The following SYNE2 variants were observed in gnomAD, a reference collection of about 807,000 sequenced individuals.
SYNE2 encodes the protein nesprin-2.
SYNE2 carries 431 observed loss-of-function variants against 856.3 expected under a neutral mutation model. The ratio of observed to expected loss-of-function variants is 0.50; its 90% CI spans 0.47 to 0.55. SYNE2 has a LOEUF of 0.55. Among genes scored for constraint, SYNE2 ranks in the 20% least tolerant of loss-of-function variants. The probability of loss-of-function intolerance (pLI) is 0.00; values close to 1 mark genes in which losing one functional copy is unlikely to be tolerated. For synonymous variants in SYNE2, 2,923 were observed against 2,872.3 expected (o/e 1.02, Z -0.56); for missense variants, 8,129 against 8,023.2 (o/e 1.01, Z -0.50).
chr14:64,137,702 T>C, intron 78 of SYNE2, 85 bp from the exon 79 acceptor site: 1 of 1,387,830 alleles, frequency 7.2e-7, no homozygotes, highest in Non-Finnish European at 1.0e-6. Context: ...TGGACACAAA[T>C]GTCAGTTTTA....
chr14:63,883,443 G>C (rs1453105243), intron 1 of SYNE2, among the ~76,000 whole-genome samples: 1 of 152,118 alleles, frequency 6.6e-6, no homozygotes, highest in East Asian at 1.9e-4. Context: ...CTGCAGCCTT[G>C]ATCACCAGGC....
At chr14:63,778,773 C>T (rs536361481) in intron 1 of SYNE2, among the ~76,000 whole-genome samples, 3 of 152,076 alleles carry the variant, frequency 2.0e-5, no homozygotes, top group Non-Finnish European at 2.9e-5. Flanking sequence ...CACTGGCCTC[C>T]CAAAGTGCCA....
At chr14:63,974,835 C>CGTGT (rs35516224) in intron 11 of SYNE2, among the ~76,000 whole-genome samples, 1 of 113,100 alleles carries the variant, frequency 8.8e-6, no homozygotes, top group African/African-American at 3.1e-5. Context: ...TGTATATAGA[C>CGTGT]GTGTGTGTGT....
intron 94 of SYNE2, 127 bp from the exon 95 acceptor site, chr14:64,174,817 C>A: frequency 1.2e-6 from 1 of 829,118 alleles, no homozygotes. Flanking sequence ...CATTCTGACC[C>A]AATTTGTCTA....
chr14:63,763,822 A>G (rs2139685916), intron 1 of SYNE2, among the ~76,000 whole-genome samples: 1 of 152,260 alleles, frequency 6.6e-6, no homozygotes, highest in South Asian at 2.1e-4. Flanking sequence ...GCATGCCCTC[A>G]TGCCCAGCTA....
Position 64,139,934 on chromosome 14 carries a change from C to T in SYNE2, c.14844-7C>T. 1.2e-6 allele frequency: 2 copies of T among 1,613,960 alleles called. No homozygotes were observed. Among genetic ancestry groups the T allele is most frequent in the Non-Finnish European group, 1.7e-6 (2 of 1,179,948 alleles). On this transcript the variant is annotated splice_polypyrimidine_tract_variant and splice_region_variant and intron_variant, in intron 79 of 115. Coordinates refer to ENST00000555002, the MANE Select transcript of SYNE2 (RefSeq NM_182914.3). ...ATCTGCCTTCTCTCTCACTTTGCTC[C>T]TGTTAGTTATAACAGAGATTCGGAT...
In SYNE2 at chr14:64,073,911, T is replaced by C. The variant is rs979756078; in HGVS notation, c.10698-57T>C. On this transcript the variant is annotated intron_variant, in intron 52 of 115. Coordinates refer to ENST00000555002, the MANE Select transcript of SYNE2 (RefSeq NM_182914.3). Reference sequence around the variant, plus strand: ...TAATTGTTGCAATAAAACTGTTTCATTTTATTCATAGAAGAGCAGGATAAA... The same window carrying C: ...TAATTGTTGCAATAAAACTGTTTCACTTTATTCATAGAAGAGCAGGATAAA... 18 of 1,577,352 alleles carry C rather than the reference T, an allele frequency of 1.1e-5. No individual in the cohort carries two copies. The African/African-American group carries it at 2.3e-4, about 20-fold the overall frequency.
At chr14:63,818,462 G>A (rs1889091466) in intron 1 of SYNE2, among the ~76,000 whole-genome samples, 1 of 151,964 alleles carries the variant, frequency 6.6e-6, no homozygotes. Context: ...AAGTTGCAGT[G>A]AGCTATGATT....
chr14:64,165,434 T>G (rs1225766926), intron 90 of SYNE2, 24 bp downstream of exon 90: 5 of 1,612,096 alleles, frequency 3.1e-6, no homozygotes, highest in Non-Finnish European at 4.2e-6. Context: ...TTGTCTTTTC[T>G]AAGGGCTTAG....
At chr14:63,794,880 T>C (rs1298879980) in intron 1 of SYNE2, among the ~76,000 whole-genome samples, 3 of 152,186 alleles carry the variant, frequency 2.0e-5, no homozygotes, top group Non-Finnish European at 4.4e-5. Flanking sequence ...AAGTTTATCA[T>C]ATGACCCAAT....
At position 64,225,699 on chromosome 14, in the gene SYNE2, G is replaced by C; in HGVS notation, c.*173G>C. On this transcript the variant is annotated 3_prime_UTR_variant, in exon 116 of 116. Transcript: ENST00000555002. ...TGGAGCCCAGGGCAGCTTTCAGATT[G>C]TGTTCCTCCCCAGGAGCAGGGAACC... 1 of 733,504 alleles carries C rather than the reference G, an allele frequency of 1.4e-6. No individual in the cohort carries two copies. The highest frequency in any genetic ancestry group is 2.4e-6 in the Non-Finnish European group (1 of 424,458). The allele number at this position is 733,504 out of a possible 1,614,324, so 45.4% of individuals were successfully genotyped here. A position where few individuals can be genotyped will look rare whatever the true frequency, so the allele number is the denominator to read the frequency against.
chr14:64,103,244 A>G (rs1271638232), intron 64 of SYNE2, among the ~76,000 whole-genome samples: 2 of 152,124 alleles, frequency 1.3e-5, no homozygotes, highest in Non-Finnish European at 2.9e-5. Context: ...AACTGACCAA[A>G]CAGATACCTC....
chr14:64,017,603 G>A lies in SYNE2; in HGVS notation c.4896G>A (p.Glu1632=). 6.2e-7 allele frequency: 1 copy of A among 1,611,898 alleles called. No individual in the cohort carries two copies. The highest frequency in any genetic ancestry group is 1.1e-5 in the South Asian group (1 of 90,968). ...IIVDRWLDIN[E]KTEDYYENLG... The stretch of plus-strand genomic sequence containing the variant: ...TTTTTAAATTATGGTAGATAAATGA[G>A]AAGACAGAAGATTACTATGAAAATC... The change falls in exon 34 of 116, where the codon GAG becomes GAA. Residue 1632 remains glutamate, a synonymous_variant. Transcript: ENST00000555002.
chr14:63,825,806 G>A (rs546586502), intron 1 of SYNE2, among the ~76,000 whole-genome samples: 96 of 152,188 alleles, frequency 6.3e-4, no homozygotes, highest in Admixed American at 1.6e-3. Flanking sequence ...AACCCAGGAG[G>A]CAAAGGCAGG....
chr14:63,857,033 G>GA (rs1891969990), intron 1 of SYNE2, among the ~76,000 whole-genome samples: 2 of 152,150 alleles, frequency 1.3e-5, no homozygotes, highest in South Asian at 4.1e-4. Flanking sequence ...GCCTCCCAAA[G>GA]TGCTGGATTA....
chr14:63,898,317 A>G (rs1312815328), intron 1 of SYNE2, among the ~76,000 whole-genome samples: 1 of 152,070 alleles, frequency 6.6e-6, no homozygotes, highest in Non-Finnish European at 1.5e-5. Flanking sequence ...TCTGTATTCA[A>G]TGCCCAGTCC....
intron 2 of SYNE2, among the ~76,000 whole-genome samples, chr14:63,936,376 G>A (rs902884422): frequency 1.3e-5 from 2 of 152,148 alleles, no homozygotes; most frequent in African/African-American, 2.4e-5. Context: ...AAGTACCCTA[G>A]GGAAAGAGAA....
chr14:63,799,365 C>T (rs187814033), intron 1 of SYNE2, among the ~76,000 whole-genome samples: 229 of 151,992 alleles, frequency 1.5e-3, no homozygotes, highest in African/African-American at 5.2e-3. Flanking sequence ...AGGCATGAGC[C>T]ACAGCACCCT....
intron 23 of SYNE2, among the ~76,000 whole-genome samples, chr14:63,996,432 G>GA (rs971283657): frequency 1.2e-4 from 18 of 152,126 alleles, no homozygotes; most frequent in African/African-American, 4.3e-4. Context: ...AGGCATCTTA[G>GA]AAGGCCACTT....
Sources: gnomAD v4.1 joint callset for allele counts (sites outside exome capture counted in the v4.1 genomes callset) on GRCh38, gnomAD v4.1.1 for gene constraint, MANE v1.5 for transcripts, NCBI Gene and HGNC (gene_info 2026-07-23, HGNC 2026-07-21) for gene names.